Variants in MEF2C observed in about 807,000 individuals in gnomAD.
The protein encoded by MEF2C is myocyte enhancer factor 2C, also known as myocyte-specific enhancer factor 2C.
A neutral mutation model predicts 50.5 loss-of-function variants in MEF2C; 6 were observed. That is an observed-to-expected ratio of 0.12 (90% CI 0.07 to 0.23). The LOEUF (loss-of-function observed/expected upper bound fraction) is 0.23, where lower values mean the gene tolerates loss of function less well. MEF2C is among the 10% of genes least tolerant of loss of function. MEF2C has a pLI of 1.00. For synonymous variants in MEF2C, 183 were observed against 228.0 expected, an observed-to-expected ratio of 0.80 and a Z score of 1.78; for missense variants, 276 against 605.0, an observed-to-expected ratio of 0.46 and a Z score of 5.70.
intron 1 of MEF2C, among the ~76,000 whole-genome samples, chr5:88,824,631 A>C (rs558694934): frequency 2.0e-5 from 3 of 151,962 alleles, no homozygotes; most frequent in African/African-American, 7.2e-5. Flanking sequence ...ATAAGCATTG[A>C]CACAAAATAA....
At chr5:88,745,447 G>T (rs1438688246) in intron 6 of MEF2C, among the ~76,000 whole-genome samples, 1 of 152,246 alleles carries the variant, frequency 6.6e-6, no homozygotes, top group African/African-American at 2.4e-5. Context: ...GGAAAGGCAT[G>T]CTAGGATTGC....
chr5:88,808,679 G>C (rs1019716617), intron 2 of MEF2C, among the ~76,000 whole-genome samples: 1 of 151,914 alleles, frequency 6.6e-6, no homozygotes, highest in African/African-American at 2.4e-5. Flanking sequence ...ATTCTTCATA[G>C]CATTCTCAAA....
chr5:88,897,702 T>A (rs1460193503), intron 1 of MEF2C, among the ~76,000 whole-genome samples: 1 of 152,196 alleles, frequency 6.6e-6, no homozygotes, highest in Non-Finnish European at 1.5e-5. Context: ...AACACAGTAG[T>A]GTTTAATTAT....
At chr5:88,782,057 C>T (rs934391408) in intron 3 of MEF2C, 7 of 801,816 alleles carry the variant, frequency 8.7e-6, no homozygotes, top group Admixed American at 1.2e-4. Flanking sequence ...AGAGCCCAGG[C>T]AACCTAGCGA....
chr5:88,856,041 T>C (rs1288214986), intron 1 of MEF2C, among the ~76,000 whole-genome samples: 1 of 152,170 alleles, frequency 6.6e-6, no homozygotes, highest in African/African-American at 2.4e-5. Flanking sequence ...TTGAATGCCT[T>C]TGACCAAAAT....
intron 4 of MEF2C, among the ~76,000 whole-genome samples, chr5:88,757,573 C>T (rs1458314381): frequency 6.6e-6 from 1 of 152,132 alleles, no homozygotes; most frequent in African/African-American, 2.4e-5. Flanking sequence ...TTTTCAATCA[C>T]CTGCTTCCCC....
In MEF2C at chr5:88,720,291, C is replaced by A. The variant is rs1352569130; in HGVS notation, c.*2313G>T. ...TGCATAAATGTTATTCTTTCATGTT[C>A]CATGGATACCTTGAGTAGTGGGATA... On this transcript the variant is annotated 3_prime_UTR_variant, in exon 11 of 11. Coordinates refer to ENST00000504921, the MANE Select transcript of MEF2C (RefSeq NM_002397.5). 1 of 151,244 alleles carries A rather than the reference C, an allele frequency of 6.6e-6. No homozygotes were observed. The highest frequency in any genetic ancestry group is 6.6e-5 in the Admixed American group (1 of 15,140). The allele number at this position is 151,244 out of a possible 1,614,324, so 9.4% of individuals were successfully genotyped here.
At chr5:88,769,966 T>A in intron 3 of MEF2C, 1 of 985,290 alleles carries the variant, frequency 1.0e-6, no homozygotes, top group Non-Finnish European at 1.2e-6. Context: ...ATCTTTATAA[T>A]GCAAGTTAAG....
intron 6 of MEF2C, chr5:88,748,824 C>A: frequency 1.0e-6 from 1 of 985,328 alleles, no homozygotes; most frequent in Non-Finnish European, 1.2e-6. Flanking sequence ...TGGATCAGAG[C>A]CCTTAATTCT....
At chr5:88,726,390 T>C (rs963232980) in intron 10 of MEF2C, among the ~76,000 whole-genome samples, 3 of 152,180 alleles carry the variant, frequency 2.0e-5, no homozygotes, top group African/African-American at 7.2e-5. Flanking sequence ...TACATAAGTA[T>C]TGCAGCTTGG....
intron 6 of MEF2C, 60 bp downstream of exon 6, chr5:88,749,010 A>G: frequency 6.4e-7 from 1 of 1,550,806 alleles, no homozygotes; most frequent in Non-Finnish European, 8.7e-7. Context: ...TGTCCTGCAA[A>G]TCACCTAGTA....
chr5:88,817,217 T>G (rs753057702), intron 2 of MEF2C, among the ~76,000 whole-genome samples: 3 of 152,032 alleles, frequency 2.0e-5, no homozygotes, highest in African/African-American at 4.8e-5. Context: ...GTTATTAAGA[T>G]GTAACTCCCA....
intron 6 of MEF2C, chr5:88,739,364 A>G (rs1561749178): frequency 1.0e-6 from 1 of 984,180 alleles, no homozygotes; most frequent in East Asian, 1.1e-4. Flanking sequence ...GCAATTTTGA[A>G]AACAGTTACA....
intron 3 of MEF2C, among the ~76,000 whole-genome samples, chr5:88,764,523 A>G (rs552766159): frequency 6.6e-6 from 1 of 152,182 alleles, no homozygotes; most frequent in Non-Finnish European, 1.5e-5. Context: ...AATGAAGTAG[A>G]AATTGTCCAG....
intron 10 of MEF2C, among the ~76,000 whole-genome samples, chr5:88,728,023 A>C (rs1387178961): frequency 1.3e-5 from 2 of 152,032 alleles, no homozygotes; most frequent in African/African-American, 4.8e-5. Context: ...TAAAATATCT[A>C]TAAGTATACA....
intron 3 of MEF2C, chr5:88,771,737 T>C (rs962155388): frequency 3.0e-6 from 1 of 332,120 alleles, no homozygotes; most frequent in Non-Finnish European, 4.3e-6. Flanking sequence ...GGTGGTCTTG[T>C]AGAGTGACAG....
intron 1 of MEF2C, among the ~76,000 whole-genome samples, chr5:88,872,154 A>G (rs547136683): frequency 6.6e-6 from 1 of 152,166 alleles, no homozygotes; most frequent in Admixed American, 6.6e-5. Context: ...ATTAATGTAT[A>G]CAAAAGTGGA....
At chr5:88,723,018 A>C (rs1481421469) in intron 10 of MEF2C, 93 bp from the exon 11 acceptor site, 1 of 1,121,028 alleles carries the variant, frequency 8.9e-7, no homozygotes, top group Non-Finnish European at 1.2e-6. Context: ...AAAGACTCGC[A>C]TAGACACCAG....
chr5:88,757,934 A>G (rs1056639922), intron 4 of MEF2C, among the ~76,000 whole-genome samples: 1 of 151,980 alleles, frequency 6.6e-6, no homozygotes, highest in African/African-American at 2.4e-5. Context: ...AAAAATAAAA[A>G]TAAAATAAAA....
Sources: allele counts gnomAD v4.1 joint callset (sites outside exome capture counted in the v4.1 genomes callset), GRCh38; gene constraint gnomAD v4.1.1; transcripts MANE v1.5; gene names NCBI Gene and HGNC (gene_info 2026-07-23, HGNC 2026-07-21).